APPL1: variants seen among roughly 807,000 people sequenced by gnomAD.
The protein encoded by APPL1 is adaptor protein, phosphotyrosine interacting with PH domain and leucine zipper 1.
In APPL1, 42 loss-of-function variants were observed where a neutral mutation model predicts 106.8. That is an observed-to-expected ratio of 0.39 (90% CI 0.31 to 0.51). The LOEUF (loss-of-function observed/expected upper bound fraction) is 0.51. APPL1 is among the 20% of genes least tolerant of loss of function. The pLI is 0.75. For synonymous variants in APPL1, 263 were observed against 281.8 expected (o/e 0.93, Z 0.67); for missense variants, 769 against 858.2 (o/e 0.90, Z 1.30).
At position 57,248,218 on chromosome 3, in the gene APPL1, A is replaced by G. The variant is rs1394670664; in HGVS notation, c.730A>G (p.Ile244Val). 3 of 1,614,138 alleles carry G rather than the reference A, an allele frequency of 1.9e-6. No homozygotes were observed. The highest frequency in any genetic ancestry group is 2.5e-6 in the Non-Finnish European group (3 of 1,180,000). The change falls in exon 10 of 22, where the codon ATA becomes GTA. Residue 244 changes from isoleucine (I) to valine (V), a missense_variant. Coordinates refer to ENST00000288266, the MANE Select transcript of APPL1 (RefSeq NM_012096.3). Reference sequence around the variant, plus strand: ...TGTTCGCAGGGAAATGGACAGTGATATAGAGACCATGCAACAGACAATAGA... The same window carrying G: ...TGTTCGCAGGGAAATGGACAGTGATGTAGAGACCATGCAACAGACAATAGA... Reference protein sequence around the residue: ...QNVRREMDSDIETMQQTIEDL... With the variant: ...QNVRREMDSDVETMQQTIEDL...
chr3:57,232,159 G>A (rs6445866), intron 1 of APPL1, among the ~76,000 whole-genome samples: 146,406 of 152,334 alleles, frequency 0.96, 70,433 homozygotes, highest in East Asian at 0.99. Flanking sequence ...ATGATCTTTA[G>A]AAAATTAATT....
chr3:57,264,579 A>C (rs969409493), intron 19 of APPL1, among the ~76,000 whole-genome samples: 4 of 146,202 alleles, frequency 2.7e-5, no homozygotes, highest in Admixed American at 2.6e-4. Flanking sequence ...AAAATAAAAA[A>C]AATAAAAAAA....
chr3:57,235,409 G>A (rs2060711091), intron 1 of APPL1, among the ~76,000 whole-genome samples, 157 bp from the exon 2 acceptor site: 1 of 151,682 alleles, frequency 6.6e-6, no homozygotes, highest in Non-Finnish European at 1.5e-5. Context: ...AAAAAAAAAA[G>A]ACTTCTTAAC....
rs548102394 is a variant in APPL1 at position 57,260,030 on chromosome 3, C to G, written c.1658+11C>G. The G allele has an allele frequency of 1.2e-6, 2 of 1,610,018 alleles. No individual in the cohort carries two copies. The highest frequency in any genetic ancestry group is 1.7e-6 in the Non-Finnish European group (2 of 1,179,168). On this transcript the variant is annotated intron_variant, in intron 17 of 21. Coordinates refer to ENST00000288266, the MANE Select transcript of APPL1 (RefSeq NM_012096.3). ...TTGTGACTGTTTAAAGTAAGTAAAA[C>G]CCTCCCTTAAAAAACTGTAGAAAAA...
Position 57,235,554 on chromosome 3 carries a change from T to A in APPL1, c.55-12T>A. On this transcript the variant is annotated splice_polypyrimidine_tract_variant and intron_variant, in intron 1 of 21. Coordinates refer to ENST00000288266, the MANE Select transcript of APPL1 (RefSeq NM_012096.3). Reference sequence around the variant, plus strand: ...ATGATTAACATAAACTTATTGCTATTGTTTTATACAGACAAGGTCTTTACT... The same window carrying A: ...ATGATTAACATAAACTTATTGCTATAGTTTTATACAGACAAGGTCTTTACT... The A allele has an allele frequency of 6.5e-7, 1 of 1,534,694 alleles. No homozygotes were observed. Among genetic ancestry groups the A allele is most frequent in the Non-Finnish European group, 8.9e-7 (1 of 1,117,352 alleles).
intron 6 of APPL1, among the ~76,000 whole-genome samples, chr3:57,242,467 T>G (rs1434693784): frequency 6.6e-6 from 1 of 152,178 alleles, no homozygotes; most frequent in Admixed American, 6.5e-5. Context: ...AGGGTCTTGC[T>G]CTGTTGCCCA....
chr3:57,230,841 C>T lies in APPL1; in HGVS notation c.54+2904C>T, dbSNP rs150636410. 1.4e-5 allele frequency: 6 copies of T among 422,932 alleles called. No homozygotes were observed. In the East Asian group the frequency reaches 3.8e-4, roughly 27 times the overall value. 26.2% of individuals were successfully genotyped at this position (422,932 alleles called of 1,614,324 possible). On this transcript the variant is annotated intron_variant, in intron 1 of 21. Coordinates refer to ENST00000288266, the MANE Select transcript of APPL1 (RefSeq NM_012096.3). ...TTGGATTGCAGTGGCACAGCCATAGCTCTGAAACCTCAAACTCCTGGGCAC... is the reference window on the plus strand; with the variant it reads ...TTGGATTGCAGTGGCACAGCCATAGTTCTGAAACCTCAAACTCCTGGGCAC...
intron 13 of APPL1, among the ~76,000 whole-genome samples, chr3:57,254,110 A>G (rs1188698663): frequency 6.6e-6 from 1 of 152,156 alleles, no homozygotes; most frequent in Non-Finnish European, 1.5e-5. Context: ...TGATCTGGCC[A>G]TCTCGGCCTC....
At chr3:57,235,810 T>C in intron 2 of APPL1, 146 bp downstream of exon 2, 2 of 556,882 alleles carry the variant, frequency 3.6e-6, no homozygotes, top group Non-Finnish European at 6.5e-6. Context: ...TTAATGAACA[T>C]TGAGTGTATT....
intron 1 of APPL1, among the ~76,000 whole-genome samples, chr3:57,235,272 G>T (rs1010933393): frequency 6.6e-6 from 1 of 151,968 alleles, no homozygotes; most frequent in South Asian, 2.1e-4. Context: ...AGCTTTGAAC[G>T]TTTCTGTTGA....
At chr3:57,251,283 G>A (rs958646146) in intron 11 of APPL1, among the ~76,000 whole-genome samples, 3 of 151,288 alleles carry the variant, frequency 2.0e-5, no homozygotes, top group African/African-American at 7.3e-5. Context: ...CAGCTCTTTG[G>A]GAGGCCAAGG....
chr3:57,268,776 A>C (rs1335569402), intron 21 of APPL1: 3 of 183,730 alleles, frequency 1.6e-5, no homozygotes, highest in Non-Finnish European at 3.4e-5. Context: ...GTGTAGACTT[A>C]ACTGCCATTG....
In APPL1 at chr3:57,228,079, C is replaced by T. The variant is rs1156386677; in HGVS notation, c.54+142C>T. The T allele has an allele frequency of 5.8e-6, 4 of 690,578 alleles. No homozygotes were observed. Among genetic ancestry groups the T allele is most frequent in the African/African-American group, 1.9e-5 (1 of 52,622 alleles). The allele number at this position is 690,578 out of a possible 1,614,324, so 42.8% of individuals were successfully genotyped here. A position where few individuals can be genotyped will look rare whatever the true frequency, so the allele number is the denominator to read the frequency against. On this transcript the variant is annotated intron_variant, in intron 1 of 21. Coordinates refer to ENST00000288266, the MANE Select transcript of APPL1 (RefSeq NM_012096.3). This position sits in a 1 kb window ranked among gnomAD's most constrained non-coding sequence, Gnocchi z 4.6. ...CTAGGTCACCGCCCGTCGCAGGCCG[C>T]GCCCGGAGTTGTGGAGGCTGGGCCC...
chr3:57,268,488 G>A lies in APPL1; in HGVS notation c.1983+1G>A. The A allele has an allele frequency of 6.2e-7, 1 of 1,603,124 alleles. No individual in the cohort carries two copies. Among genetic ancestry groups the A allele is most frequent in the Non-Finnish European group, 8.5e-7 (1 of 1,176,298 alleles). ...CAATAAACAAAAACAGATTGAAAAG[G>A]TATACAGTCCTAATGTCTGGATCTT... On this transcript the variant is annotated splice_donor_variant, in intron 21 of 21. Coordinates refer to ENST00000288266, the MANE Select transcript of APPL1 (RefSeq NM_012096.3). LOFTEE classifies it high-confidence loss of function.
intron 11 of APPL1, among the ~76,000 whole-genome samples, chr3:57,249,958 G>A (rs1308140846): frequency 8.3e-6 from 1 of 120,546 alleles, no homozygotes; most frequent in Non-Finnish European, 1.7e-5. Flanking sequence ...TTTTCTTCAT[G>A]TAAAATGTGA....
intron 19 of APPL1, among the ~76,000 whole-genome samples, chr3:57,262,819 T>A (rs1259800606): frequency 1.4e-4 from 3 of 21,714 alleles, no homozygotes; most frequent in East Asian, 6.4e-3. Context: ...AAGGGGTGTG[T>A]GTGTGTGTGT....
intron 4 of APPL1, among the ~76,000 whole-genome samples, chr3:57,238,460 T>C (rs1246059722): frequency 2.6e-5 from 4 of 152,240 alleles, no homozygotes; most frequent in African/African-American, 9.6e-5. Flanking sequence ...TTTTACTGTT[T>C]AGTCTTTATT....
At position 57,242,865 on chromosome 3, in the gene APPL1, C is replaced by A. The variant is rs1199090141; in HGVS notation, c.425C>A (p.Ala142Asp). 6.2e-7 allele frequency: 1 copy of A among 1,611,246 alleles called. No homozygotes were observed. Reference sequence around the variant, plus strand: ...CATTTCTTTTTTCCAGATCATGATGCTGCGATTAATAGATATAGCCGTTTA... The same window carrying A: ...CATTTCTTTTTTCCAGATCATGATGATGCGATTAATAGATATAGCCGTTTA... ...VFQIASNDHD[A>D]AINRYSRLSK... The change falls in exon 7 of 22, where the codon GCT becomes GAT. Residue 142 changes from alanine (A) to aspartate (D), a missense_variant. Coordinates refer to ENST00000288266, the MANE Select transcript of APPL1 (RefSeq NM_012096.3).
At chr3:57,267,638 A>G in intron 19 of APPL1, 104 bp from the exon 20 acceptor site, 1 of 940,740 alleles carries the variant, frequency 1.1e-6, no homozygotes, top group Non-Finnish European at 1.7e-6. Context: ...GAAGCAATGT[A>G]TTAGGATTAG....
Sources: gnomAD v4.1 joint callset for allele counts (sites outside exome capture counted in the v4.1 genomes callset) on GRCh38, gnomAD v4.1.1 for gene constraint, Gnocchi (gnomAD v3.1) non-coding constraint, MANE v1.5 for transcripts, NCBI Gene and HGNC (gene_info 2026-07-23, HGNC 2026-07-21) for gene names.